The following DYNC2H1 variants were observed in gnomAD, a reference collection of about 807,000 sequenced individuals.
DYNC2H1 encodes the protein cytoplasmic dynein 2 heavy chain 1.
Under a neutral mutation model 570.0 loss-of-function variants are expected in DYNC2H1, and 410 were observed. The observed-to-expected ratio is 0.72, with a 90% CI of 0.66 to 0.78. The LOEUF (loss-of-function observed/expected upper bound fraction) is 0.78, where lower values mean the gene tolerates loss of function less well. DYNC2H1 is among the 30% of genes least tolerant of loss of function. The probability of loss-of-function intolerance (pLI) is 0.00; values close to 1 mark genes in which losing one functional copy is unlikely to be tolerated. For synonymous variants in DYNC2H1, 1,688 were observed against 1,677.6 expected (o/e 1.01, Z -0.15); for missense variants, 4,865 against 5,046.4 (o/e 0.96, Z 1.09).
Position 103,205,611 on chromosome 11 carries a change from A to G in DYNC2H1, c.8454+647A>G, listed in dbSNP as rs1862894711. On this transcript the variant is annotated intron_variant, in intron 52 of 88. Coordinates refer to ENST00000375735, the MANE Select transcript of DYNC2H1 (RefSeq NM_001377.3). This position sits in a 1 kb window ranked among gnomAD's most constrained non-coding sequence, Gnocchi z 4.5. ...TGAGGAGGCCACGTGAATAAGAGGC[A>G]TTCATTAAGAAGTAATTATTGGGTG... 6.6e-6 allele frequency among the ~76,000 whole-genome samples: 1 copy of G among 152,192 alleles called. No individual in the cohort carries two copies. The highest frequency in any genetic ancestry group is 1.5e-5 in the Non-Finnish European group (1 of 68,040).
intron 85 of DYNC2H1, among the ~76,000 whole-genome samples, chr11:103,436,341 T>C (rs1473545013): frequency 6.6e-6 from 1 of 152,054 alleles, no homozygotes; most frequent in African/African-American, 2.4e-5. Flanking sequence ...GTGACTAGTT[T>C]GCCTTAGGGA....
intron 84 of DYNC2H1, among the ~76,000 whole-genome samples, chr11:103,423,050 A>G (rs922614319): frequency 9.7e-6 from 1 of 102,802 alleles, no homozygotes; most frequent in African/African-American, 5.6e-5. Context: ...TCTACTGTAG[A>G]CCGTTTTATG....
rs139772710 is a variant in DYNC2H1, at chr11:103,163,345, C to T, written c.4611+198C>T. The stretch of plus-strand genomic sequence containing the variant: ...TGAATTGAGATCCAAGCAACCTAGG[C>T]CAGTGGTGAGTAGGATGGGGAGGAG... On this transcript the variant is annotated intron_variant, in intron 30 of 88. Coordinates refer to ENST00000375735, the MANE Select transcript of DYNC2H1 (RefSeq NM_001377.3). This position sits in a 1 kb window ranked among gnomAD's most constrained non-coding sequence, Gnocchi z 4.6. Among the ~76,000 whole-genome samples, 2 of 152,194 alleles carry T rather than the reference C, an allele frequency of 1.3e-5. No individual in the cohort carries two copies. The highest frequency in any genetic ancestry group is 2.9e-5 in the Non-Finnish European group (2 of 67,998).
At chr11:103,192,473 G>GA (rs1417754741) in intron 47 of DYNC2H1, among the ~76,000 whole-genome samples, 1 of 151,692 alleles carries the variant, frequency 6.6e-6, no homozygotes, top group African/African-American at 2.4e-5. Flanking sequence ...TTTTTTCTTA[G>GA]AAAAAAGTTC....
At chr11:103,463,007 A>G (rs1203591651) in intron 87 of DYNC2H1, among the ~76,000 whole-genome samples, 9 of 152,188 alleles carry the variant, frequency 5.9e-5, no homozygotes, top group Non-Finnish European at 1.3e-4. Flanking sequence ...ATAATATTTT[A>G]TGGTGATTCG....
At chr11:103,400,555 G>A (rs1942595557) in intron 84 of DYNC2H1, among the ~76,000 whole-genome samples, 1 of 152,072 alleles carries the variant, frequency 6.6e-6, no homozygotes, top group Non-Finnish European at 1.5e-5. Context: ...CAAAAATATG[G>A]GATGTTCTGC....
intron 28 of DYNC2H1, 126 bp downstream of exon 28, chr11:103,159,153 A>G: frequency 4.5e-6 from 3 of 668,288 alleles, no homozygotes; most frequent in Non-Finnish European, 7.5e-6. Context: ...CAGTTCCTGT[A>G]CCCAAAGAAT....
rs573264010 is a variant in DYNC2H1 at position 103,441,780 on chromosome 11, A to G, written c.12456+5748A>G. Among the ~76,000 whole-genome samples the G allele has an allele frequency of 1.3e-4, 20 of 152,174 alleles. No individual in the cohort carries two copies. In the East Asian group the frequency reaches 1.5e-3, roughly 12 times the overall value. On this transcript the variant is annotated intron_variant, in intron 85 of 88. Transcript: ENST00000375735. ...TAACTTTATATTTCCACAATCTATC[A>G]TTTGAAGTGTTTTATTTTTCTTAAG...
intron 70 of DYNC2H1, among the ~76,000 whole-genome samples, chr11:103,269,952 T>C (rs895130319): frequency 5.3e-5 from 8 of 152,012 alleles, no homozygotes; most frequent in Non-Finnish European, 1.0e-4. Flanking sequence ...CCCAGCACTT[T>C]GGGAGTCAAG....
At chr11:103,191,368 A>G (rs990578592) in intron 45 of DYNC2H1, 149 bp from the exon 46 acceptor site, 128 of 597,442 alleles carry the variant, frequency 2.1e-4, no homozygotes, top group Non-Finnish European at 3.5e-4. Flanking sequence ...AAAATATAGT[A>G]TAAAGATAAT....
At chr11:103,436,777 ATTCTCTAGACT>A (rs1431563842) in intron 85 of DYNC2H1, among the ~76,000 whole-genome samples, 1 of 152,118 alleles carries the variant, frequency 6.6e-6, no homozygotes, top group Non-Finnish European at 1.5e-5. Flanking sequence ...TCAATTTTGT[ATTCTCTAGACT>A]TTCCAGTCTC....
Position 103,477,810 on chromosome 11 carries a change from G to A in DYNC2H1, c.12766-1285G>A, listed in dbSNP as rs990865780. Among the ~76,000 whole-genome samples, 40 of 115,540 alleles carry A rather than the reference G, an allele frequency of 3.5e-4. 1 individual carries two copies. The highest frequency in any genetic ancestry group is 9.1e-4 in the African/African-American group (27 of 29,540). The allele number at this position is 115,540 out of a possible 152,430, so 75.8% of individuals were successfully genotyped here. A position where few individuals can be genotyped will look rare whatever the true frequency, so the allele number is the denominator to read the frequency against. On this transcript the variant is annotated intron_variant, in intron 88 of 88. Coordinates refer to ENST00000375735, the MANE Select transcript of DYNC2H1 (RefSeq NM_001377.3). Reference sequence around the variant, plus strand: ...TACGCCACTGCACTCCAGCCGGGGCGACAGAGCAAGACTCCCCATCTCAAA... The same window carrying A: ...TACGCCACTGCACTCCAGCCGGGGCAACAGAGCAAGACTCCCCATCTCAAA...
At chr11:103,351,414 C>T (rs1940047982) in intron 82 of DYNC2H1, among the ~76,000 whole-genome samples, 1 of 152,122 alleles carries the variant, frequency 6.6e-6, no homozygotes, top group Non-Finnish European at 1.5e-5. Context: ...GTAGATATCT[C>T]TTGATATGGG....
intron 82 of DYNC2H1, among the ~76,000 whole-genome samples, chr11:103,332,662 G>A (rs1310149435): frequency 6.6e-6 from 1 of 152,036 alleles, no homozygotes; most frequent in African/African-American, 2.4e-5. Flanking sequence ...TGAAAAAACT[G>A]GAAACCACAA....
chr11:103,248,438 G>T (rs528829346), intron 65 of DYNC2H1, among the ~76,000 whole-genome samples: 1 of 151,976 alleles, frequency 6.6e-6, no homozygotes, highest in East Asian at 1.9e-4. Context: ...AACTGATTTT[G>T]GTCTTCTTTT....
chr11:103,199,156 C>T lies in DYNC2H1; in HGVS notation c.7840-72C>T. ...TGTATCAAAAATATAATATTTTAAC[C>T]TAGGTAAGTAACATTTTTATTATGT... On this transcript the variant is annotated intron_variant, in intron 48 of 88. Transcript: ENST00000375735. This position sits in a 1 kb window ranked among gnomAD's most constrained non-coding sequence, Gnocchi z 4.6. The T allele has an allele frequency of 9.4e-7, 1 of 1,066,522 alleles. No homozygotes were observed. Among genetic ancestry groups the T allele is most frequent in the South Asian group, 2.7e-5 (1 of 36,648 alleles). 66.1% of individuals were successfully genotyped at this position (1,066,522 alleles called of 1,614,324 possible).
chr11:103,218,818 A>G (rs1305921397), intron 55 of DYNC2H1, among the ~76,000 whole-genome samples: 1 of 152,228 alleles, frequency 6.6e-6, no homozygotes, highest in Non-Finnish European at 1.5e-5. Context: ...TGTGCATCTC[A>G]TAAGTTAATA....
chr11:103,413,590 C>T lies in DYNC2H1; in HGVS notation c.12366+13718C>T, dbSNP rs1337819363. On this transcript the variant is annotated intron_variant, in intron 84 of 88. Transcript: ENST00000375735. ...CTGCTCATTAAATATTTTGCTAGAT[C>T]AAGCAGCTAAATTATAGTGTTTGTT... Among the ~76,000 whole-genome samples, 3 of 152,222 alleles carry T rather than the reference C, an allele frequency of 2.0e-5. No homozygotes were observed. The East Asian group carries it at 5.8e-4, about 29-fold the overall frequency.
Position 103,179,098 on chromosome 11 carries a change from A to G in DYNC2H1, c.6212A>G (p.Asp2071Gly). ...ATAGAATCTCTGAATTCTGTTCTGG[A>G]TGATAATCGACTGCTGACTATGCCC... Reference protein sequence around the residue: ...EWIESLNSVLDDNRLLTMPSG... With the variant: ...EWIESLNSVLGDNRLLTMPSG... The change falls in exon 39 of 89, where the codon GAT becomes GGT. Residue 2071 changes from aspartate (D) to glycine (G), a missense_variant. Coordinates refer to ENST00000375735, the MANE Select transcript of DYNC2H1 (RefSeq NM_001377.3). 1.9e-6 allele frequency: 3 copies of G among 1,612,994 alleles called. No individual in the cohort carries two copies. Among genetic ancestry groups the G allele is most frequent in the Non-Finnish European group, 1.7e-6 (2 of 1,179,250 alleles).
Sources: gnomAD v4.1 joint callset for allele counts (sites outside exome capture counted in the v4.1 genomes callset) on GRCh38, gnomAD v4.1.1 for gene constraint, Gnocchi (gnomAD v3.1) non-coding constraint, MANE v1.5 for transcripts, NCBI Gene and HGNC (gene_info 2026-07-23, HGNC 2026-07-21) for gene names.